The following SYT10 variants were observed in gnomAD, a reference collection of about 807,000 sequenced individuals.
The protein encoded by SYT10 is synaptotagmin-10.
Under a neutral mutation model 51.1 loss-of-function variants are expected in SYT10, and 31 were observed. The observed-to-expected ratio is 0.61, with a 90% CI of 0.46 to 0.82. The LOEUF (loss-of-function observed/expected upper bound fraction) is 0.82. Among genes scored for constraint, SYT10 ranks in the 40% least tolerant of loss-of-function variants. SYT10 has a pLI of 0.00. For missense variants in SYT10, 603 were observed against 634.0 expected (o/e 0.95, Z 0.53); for synonymous variants, 233 against 225.9 (o/e 1.03, Z -0.28).
At chr12:33,395,390 T>A in intron 3 of SYT10, among the ~76,000 whole-genome samples, 1 of 152,190 alleles carries the variant, frequency 6.6e-6, no homozygotes, top group East Asian at 1.9e-4. Flanking sequence ...ACTGGTTAAA[T>A]GCAAGGAAGA....
In SYT10 at chr12:33,413,172, A is replaced by G. The variant is rs1591992239; in HGVS notation, c.510-5816T>C. Among the ~76,000 whole-genome samples, 7 of 152,322 alleles carry G rather than the reference A, an allele frequency of 4.6e-5. 1 individual carries two copies. The highest frequency in any genetic ancestry group is 4.6e-4 in the Admixed American group (7 of 15,310). Reference sequence around the variant, plus strand: ...GAAATTAACAAAGCCTCCAAGAAATATGGGACTATGTGAAAAGACCAAATC... The same window carrying G: ...GAAATTAACAAAGCCTCCAAGAAATGTGGGACTATGTGAAAAGACCAAATC... On this transcript the variant is annotated intron_variant, in intron 2 of 6. Coordinates refer to ENST00000228567, the MANE Select transcript of SYT10 (RefSeq NM_198992.4).
At chr12:33,437,215 T>C (rs1261649059) in intron 1 of SYT10, among the ~76,000 whole-genome samples, 1 of 152,238 alleles carries the variant, frequency 6.6e-6, no homozygotes, top group Non-Finnish European at 1.5e-5. Context: ...AGAATATCTT[T>C]CCTAGTAATA....
At chr12:33,411,775 C>G (rs1001931993) in intron 2 of SYT10, among the ~76,000 whole-genome samples, 1 of 152,026 alleles carries the variant, frequency 6.6e-6, no homozygotes, top group African/African-American at 2.4e-5. Flanking sequence ...ATATGCCACT[C>G]TAATGCATTA....
chr12:33,417,175 T>C (rs1866461653), intron 2 of SYT10, among the ~76,000 whole-genome samples: 1 of 152,182 alleles, frequency 6.6e-6, no homozygotes, highest in Admixed American at 6.5e-5. Context: ...TAATCCCTGA[T>C]GTGGCAGTAT....
At chr12:33,379,788 A>C (rs1469700378) in intron 6 of SYT10, 44 bp downstream of exon 6, 35 of 1,607,712 alleles carry the variant, frequency 2.2e-5, no homozygotes, top group Non-Finnish European at 2.9e-5. Context: ...ATTTAAGCAA[A>C]AGAGACAACA....
At chr12:33,432,341 C>A in intron 1 of SYT10, 1 of 151,932 alleles carries the variant, frequency 6.6e-6, no homozygotes, top group East Asian at 1.9e-4. Flanking sequence ...TATTAAAAAG[C>A]TTTACATATG....
chr12:33,424,260 T>C (rs1368857948), intron 2 of SYT10, among the ~76,000 whole-genome samples: 2 of 152,134 alleles, frequency 1.3e-5, no homozygotes, highest in African/African-American at 4.8e-5. Context: ...CTAGGGATAA[T>C]CAAATAAGTG....
chr12:33,430,344 A>C (rs1040900182), intron 1 of SYT10, among the ~76,000 whole-genome samples: 8 of 152,240 alleles, frequency 5.3e-5, no homozygotes, highest in Non-Finnish European at 1.0e-4. Flanking sequence ...AACTTCTAAA[A>C]TGCGAATTCG....
At chr12:33,415,904 T>A (rs561200686) in intron 2 of SYT10, among the ~76,000 whole-genome samples, 1 of 152,304 alleles carries the variant, frequency 6.6e-6, no homozygotes, top group Admixed American at 6.5e-5. Context: ...CCTTAATCCC[T>A]TTTTAGAATG....
At chr12:33,429,260 G>A (rs1349285510) in intron 1 of SYT10, among the ~76,000 whole-genome samples, 2 of 152,166 alleles carry the variant, frequency 1.3e-5, no homozygotes, top group Non-Finnish European at 2.9e-5. Flanking sequence ...TAGGTCTCGA[G>A]GCAGGAAGTC....
In SYT10 at chr12:33,385,210, A is replaced by G; in HGVS notation, c.1159T>C (p.Cys387Arg). The change falls in exon 4 of 7, where the codon TGC becomes CGC. Residue 387 changes from cysteine (C) to arginine (R), a missense_variant. Coordinates refer to ENST00000228567, the MANE Select transcript of SYT10 (RefSeq NM_198992.4). ...AGRMTLTVIKCRNLKAMDITG... is the reference protein window; with the variant it reads ...AGRMTLTVIKRRNLKAMDITG... ...ATATCCATCGCCTTCAGATTTCTGC[A>G]CTTAATGACTGTCAATGTCATACGC... 1.2e-6 allele frequency: 2 copies of G among 1,613,778 alleles called. No individual in the cohort carries two copies. Among genetic ancestry groups the G allele is most frequent in the Non-Finnish European group, 1.7e-6 (2 of 1,179,776 alleles).
chr12:33,376,540 AC>A lies in SYT10; in HGVS notation c.*289del, dbSNP rs1866063742. ...AGGTAAGTATGAACTGTTTAAAAAA[AC>A]ATTTCATATGCAAAGAATTACAACA... On this transcript the variant is annotated 3_prime_UTR_variant, in exon 7 of 7. Transcript: ENST00000228567. 13 of 391,580 alleles carry A rather than the reference AC, an allele frequency of 3.3e-5. No individual in the cohort carries two copies. The South Asian group carries it at 4.0e-4, about 12-fold the overall frequency. The allele number at this position is 391,580 out of a possible 1,614,324, so 24.3% of individuals were successfully genotyped here. A position where few individuals can be genotyped will look rare whatever the true frequency, so the allele number is the denominator to read the frequency against.
chr12:33,377,471 C>G (rs1264103909), intron 6 of SYT10, among the ~76,000 whole-genome samples: 3 of 151,984 alleles, frequency 2.0e-5, no homozygotes, highest in African/African-American at 7.2e-5. Flanking sequence ...TGCTTTAAGG[C>G]AGTTAATGAG....
At chr12:33,419,723 G>A (rs1434945958) in intron 2 of SYT10, among the ~76,000 whole-genome samples, 1 of 152,014 alleles carries the variant, frequency 6.6e-6, no homozygotes, top group Non-Finnish European at 1.5e-5. Context: ...ATAAGCAATT[G>A]CTTTTGATCT....
chr12:33,411,145 T>A (rs1449481696), intron 2 of SYT10, among the ~76,000 whole-genome samples: 3 of 152,202 alleles, frequency 2.0e-5, no homozygotes, highest in African/African-American at 7.2e-5. Context: ...TTAACCACCA[T>A]GCTATATATA....
At chr12:33,398,513 AAAAC>A (rs993386705) in intron 3 of SYT10, among the ~76,000 whole-genome samples, 42 of 152,208 alleles carry the variant, frequency 2.8e-4, no homozygotes, top group Middle Eastern at 3.4e-3. Context: ...ACTCTGTCTC[AAAAC>A]AAACAAACAA....
chr12:33,407,077 G>A lies in SYT10; in HGVS notation c.789C>T (p.Phe263=), dbSNP rs267603444. The A allele has an allele frequency of 1.2e-6, 2 of 1,614,124 alleles. No homozygotes were observed. The highest frequency in any genetic ancestry group is 1.6e-4 in the Middle Eastern group (1 of 6,062). The change falls in exon 3 of 7, where the codon TTC becomes TTT. Residue 263 remains phenylalanine (F), a synonymous_variant. Coordinates refer to ENST00000228567, the MANE Select transcript of SYT10 (RefSeq NM_198992.4). ...TCACATAAGGGTCAGAAGTTCCTGT[G>A]AAGTCTTTAGCAGGGAGATCTAAAG... ...IKALDLPAKD[F]TGTSDPYVKM...
intron 3 of SYT10, among the ~76,000 whole-genome samples, chr12:33,394,706 G>A (rs1196825372): frequency 6.6e-6 from 1 of 152,182 alleles, no homozygotes; most frequent in Non-Finnish European, 1.5e-5. Flanking sequence ...TACAGCTAAA[G>A]GTAACCATCC....
Position 33,415,555 on chromosome 12 carries a change from A to G in SYT10, c.510-8199T>C, listed in dbSNP as rs571484775. ...TAGATATTGCTTAAGAAATCACAGA[A>G]GAAAAGTAAAAATATCTTTAGCAGC... On this transcript the variant is annotated intron_variant, in intron 2 of 6. Transcript: ENST00000228567. 7.4e-4 allele frequency among the ~76,000 whole-genome samples: 112 copies of G among 152,338 alleles called. 2 individuals carry two copies. The highest frequency in any genetic ancestry group is 4.4e-3 in the Admixed American group (67 of 15,310).
Sources: gnomAD v4.1 joint callset for allele counts (sites outside exome capture counted in the v4.1 genomes callset) on GRCh38, gnomAD v4.1.1 for gene constraint, MANE v1.5 for transcripts, NCBI Gene and HGNC (gene_info 2026-07-23, HGNC 2026-07-21) for gene names.